The following HOOK3 variants were observed in gnomAD, a reference collection of about 807,000 sequenced individuals.
HOOK3 encodes the protein hook microtubule tethering protein 3.
HOOK3 carries 24 observed loss-of-function variants against 116.3 expected under a neutral mutation model. That is an observed-to-expected ratio of 0.21 (90% CI 0.15 to 0.29). The LOEUF is 0.29. Among genes scored for constraint, HOOK3 ranks in the 10% least tolerant of loss-of-function variants. The probability of loss-of-function intolerance (pLI) is 1.00; values close to 1 mark genes in which losing one functional copy is unlikely to be tolerated. For missense variants in HOOK3, 632 were observed against 830.2 expected, an observed-to-expected ratio of 0.76 and a Z score of 2.93; for synonymous variants, 275 against 283.0, an observed-to-expected ratio of 0.97 and a Z score of 0.28.
At chr8:43,015,124 G>A (rs753687794) in intron 21 of HOOK3, among the ~76,000 whole-genome samples, 1 of 151,912 alleles carries the variant, frequency 6.6e-6, no homozygotes, top group Non-Finnish European at 1.5e-5. Context: ...GTGACAGAGT[G>A]AGACTCTGTC....
chr8:43,019,887 T>C lies in HOOK3; in HGVS notation c.*1389T>C, dbSNP rs1291085505. On this transcript the variant is annotated 3_prime_UTR_variant, in exon 22 of 22. Transcript: ENST00000307602. ...CTGAAATTAGGTCATGGTTTTTTTG[T>C]TTATTTTTAGGTTAGGTCACTTAAT... 7 of 202,948 alleles carry C rather than the reference T, an allele frequency of 3.4e-5. No homozygotes were observed. In the South Asian group the frequency reaches 1.3e-3, roughly 39 times the overall value. 12.6% of individuals were successfully genotyped at this position (202,948 alleles called of 1,614,324 possible).
At chr8:42,972,024 T>A (rs1808736740) in intron 11 of HOOK3, among the ~76,000 whole-genome samples, 1 of 152,230 alleles carries the variant, frequency 6.6e-6, no homozygotes, top group Middle Eastern at 3.2e-3. Context: ...TTTACTTTTT[T>A]AAGTATGTAT....
In HOOK3 at chr8:43,021,104, GAAAAA is replaced by G. The variant is rs34161624; in HGVS notation, c.*2631_*2635del. On this transcript the variant is annotated 3_prime_UTR_variant, in exon 22 of 22. Transcript: ENST00000307602. ...CGACAAGAGCGAAACTCTGTCGCAA[GAAAAA>G]AAAAAAAAAAAAAAAAAAAAAAAAC... 0.023 allele frequency: 731 copies of G among 31,990 alleles called. No individual in the cohort carries two copies. Among genetic ancestry groups the G allele is most frequent in the Non-Finnish European group, 0.045 (591 of 13,250 alleles). The allele number at this position is 31,990 out of a possible 1,614,324, so 2.0% of individuals were successfully genotyped here.
intron 5 of HOOK3, among the ~76,000 whole-genome samples, chr8:42,945,555 C>G (rs964409809): frequency 6.6e-6 from 1 of 152,214 alleles, no homozygotes; most frequent in Admixed American, 6.5e-5. Context: ...AAGTGATCCA[C>G]CCGCCTTGGC....
At chr8:42,999,042 A>T (rs936348157) in intron 16 of HOOK3, among the ~76,000 whole-genome samples, 1 of 152,160 alleles carries the variant, frequency 6.6e-6, no homozygotes, top group African/African-American at 2.4e-5. Flanking sequence ...TTGATTTGTT[A>T]TGGGAGTGAG....
intron 15 of HOOK3, among the ~76,000 whole-genome samples, chr8:42,988,532 G>C (rs73675445): frequency 0.034 from 5,112 of 152,226 alleles, 293 homozygotes; most frequent in African/African-American, 0.12. Flanking sequence ...CCAAGTTCCT[G>C]TGTGACTTAC....
intron 11 of HOOK3, among the ~76,000 whole-genome samples, chr8:42,971,173 G>A (rs1231943347): frequency 6.6e-6 from 1 of 152,090 alleles, no homozygotes; most frequent in African/African-American, 2.4e-5. Context: ...AAAAATAATG[G>A]TGGGAAAGCA....
intron 8 of HOOK3, among the ~76,000 whole-genome samples, chr8:42,962,261 CTTTTTTT>C (rs559919675): frequency 1.5e-3 from 180 of 117,778 alleles, no homozygotes; most frequent in African/African-American, 5.5e-3. Context: ...ATTTTCATTT[CTTTTTTT>C]TTTTTTTTTT....
At position 42,966,479 on chromosome 8, in the gene HOOK3, A is replaced by G. The variant is rs545508350; in HGVS notation, c.786A>G (p.Glu262=). Residue 262 remains glutamate (E), a synonymous_variant, in exon 10 of 22, where the codon GAA becomes GAG. Transcript: ENST00000307602. ...EQLQEETFRL[E]AAKDDYRIRC... is the part of the protein sequence containing the mutation. ...TATTTTATATCGGTTACAGACTAGAAGCAGCCAAAGATGATTATCGAATAC... is the reference window on the plus strand; with the variant it reads ...TATTTTATATCGGTTACAGACTAGAGGCAGCCAAAGATGATTATCGAATAC... 1.9e-6 allele frequency: 3 copies of G among 1,614,148 alleles called. No individual in the cohort carries two copies. In the South Asian group the frequency reaches 3.3e-5, roughly 18 times the overall value.
At position 43,026,161 on chromosome 8, in the gene HOOK3, T is replaced by G. The variant is rs1809930017; in HGVS notation, c.*7663T>G. The G allele has an allele frequency of 4.9e-6, 1 of 205,264 alleles. No homozygotes were observed. The highest frequency in any genetic ancestry group is 9.9e-6 in the Non-Finnish European group (1 of 100,592). 12.7% of individuals were successfully genotyped at this position (205,264 alleles called of 1,614,324 possible). ...TACTTTAGCAGTTATGTTGTAAAAT[T>G]AATAAAAAGGACTCATGTTTATTCT... On this transcript the variant is annotated 3_prime_UTR_variant, in exon 22 of 22. Coordinates refer to ENST00000307602, the MANE Select transcript of HOOK3 (RefSeq NM_032410.4).
In HOOK3 at chr8:43,023,373, T is replaced by C. The variant is rs1469060352; in HGVS notation, c.*4875T>C. ...ATTTTATTGATGAGCCACTTTGCTA[T>C]CTCTCCTTCCTTCCTCCTTCCTTCC... On this transcript the variant is annotated 3_prime_UTR_variant, in exon 22 of 22. Coordinates refer to ENST00000307602, the MANE Select transcript of HOOK3 (RefSeq NM_032410.4). 1 of 163,174 alleles carries C rather than the reference T, an allele frequency of 6.1e-6. No homozygotes were observed. Among genetic ancestry groups the C allele is most frequent in the Non-Finnish European group, 1.3e-5 (1 of 77,708 alleles). 10.1% of individuals were successfully genotyped at this position (163,174 alleles called of 1,614,324 possible). A position where few individuals can be genotyped will look rare whatever the true frequency, so the allele number is the denominator to read the frequency against.
chr8:42,992,728 A>AAAG (rs1278753496), intron 15 of HOOK3, among the ~76,000 whole-genome samples: 20 of 151,806 alleles, frequency 1.3e-4, no homozygotes, highest in African/African-American at 4.8e-4. Flanking sequence ...AAAAAAAAAA[A>AAAG]AAAGAAATGT....
chr8:42,944,941 A>C (rs985693872), intron 5 of HOOK3, among the ~76,000 whole-genome samples: 4 of 152,220 alleles, frequency 2.6e-5, no homozygotes, highest in African/African-American at 9.6e-5. Flanking sequence ...TGCAATCTAA[A>C]ATACCCCATT....
At chr8:42,974,753 A>C (rs895285074) in intron 13 of HOOK3, among the ~76,000 whole-genome samples, 3 of 152,006 alleles carry the variant, frequency 2.0e-5, no homozygotes, top group Admixed American at 6.5e-5. Context: ...TTTAAGATGA[A>C]TGCGCAAAAA....
At chr8:42,942,088 G>A (rs1003173965) in intron 4 of HOOK3, among the ~76,000 whole-genome samples, 3 of 151,962 alleles carry the variant, frequency 2.0e-5, no homozygotes, top group Non-Finnish European at 4.4e-5. Context: ...GTGAAATCCC[G>A]TCTCTACTAA....
intron 2 of HOOK3, among the ~76,000 whole-genome samples, chr8:42,913,513 A>G (rs983912650): frequency 6.6e-6 from 1 of 152,260 alleles, no homozygotes; most frequent in African/African-American, 2.4e-5. Flanking sequence ...ATATCCATTC[A>G]TCTGTTGATG....
In HOOK3 at chr8:43,025,294, T is replaced by G. The variant is rs187921291; in HGVS notation, c.*6796T>G. ...ACTCTGTAAGACTCGGTTTGCATGC[T>G]GTGTGTGTTTGCATGAGTATAGAAA... On this transcript the variant is annotated 3_prime_UTR_variant, in exon 22 of 22. Coordinates refer to ENST00000307602, the MANE Select transcript of HOOK3 (RefSeq NM_032410.4). 2.6e-4 allele frequency: 54 copies of G among 210,138 alleles called. No individual in the cohort carries two copies. The East Asian group carries it at 3.0e-3, about 12-fold the overall frequency. 13.0% of individuals were successfully genotyped at this position (210,138 alleles called of 1,614,324 possible).
rs536250230 is a variant in HOOK3, at chr8:42,905,653, T to G, written c.58-520T>G. Among the ~76,000 whole-genome samples, 7 of 152,134 alleles carry G rather than the reference T, an allele frequency of 4.6e-5. No homozygotes were observed. The South Asian group carries it at 1.2e-3, about 27-fold the overall frequency. On this transcript the variant is annotated intron_variant, in intron 1 of 21. Transcript: ENST00000307602. ...AAGCCACCCAGTATCCACCACGATT[T>G]CTCTTTTACCAGTGGGGAAGAATTA... is the stretch of plus-strand genomic sequence containing the variant.
intron 1 of HOOK3, among the ~76,000 whole-genome samples, chr8:42,900,900 G>C (rs921949247): frequency 1.3e-5 from 2 of 152,198 alleles, no homozygotes; most frequent in South Asian, 4.1e-4. Context: ...TGTAGGTCTG[G>C]GCTGGGCCTG....
Sources: gnomAD v4.1 joint callset for allele counts (sites outside exome capture counted in the v4.1 genomes callset) on GRCh38, gnomAD v4.1.1 for gene constraint, MANE v1.5 for transcripts, NCBI Gene and HGNC (gene_info 2026-07-23, HGNC 2026-07-21) for gene names.